The following ADAMTSL3 variants were observed in gnomAD, a reference collection of about 807,000 sequenced individuals.
The protein encoded by ADAMTSL3 is ADAMTS like 3, also known as ADAMTS-like protein 3.
In ADAMTSL3, 128 loss-of-function variants were observed where a neutral mutation model predicts 201.7. The observed-to-expected ratio is 0.63, with a 90% CI of 0.55 to 0.73. The LOEUF (loss-of-function observed/expected upper bound fraction) is 0.73, where lower values mean the gene tolerates loss of function less well. ADAMTSL3 is among the 30% of genes least tolerant of loss of function. ADAMTSL3 has a pLI of 0.00. For synonymous variants in ADAMTSL3, 738 were observed against 748.4 expected (o/e 0.99, Z 0.23); for missense variants, 1,990 against 2,119.6 (o/e 0.94, Z 1.20).
intron 2 of ADAMTSL3, among the ~76,000 whole-genome samples, chr15:83,676,246 C>T (rs2061403486): frequency 6.6e-6 from 1 of 151,922 alleles, no homozygotes; most frequent in Non-Finnish European, 1.5e-5. Flanking sequence ...ATTTCTCTCT[C>T]TGTAACTGAG....
intron 6 of ADAMTSL3, among the ~76,000 whole-genome samples, chr15:83,823,879 CCTTCTTCTTCTTCCTCTTCTTCTT>C (rs1443623426): frequency 0.015 from 2,169 of 141,524 alleles, 141 homozygotes; most frequent in Admixed American, 0.038. Context: ...GACTCCATTT[CCTTCTTCTTCTTCCTCTTCTTCTT>C]CTTCTTCTTC....
intron 26 of ADAMTSL3, among the ~76,000 whole-genome samples, chr15:84,024,101 A>G (rs1018283789): frequency 2.0e-5 from 3 of 152,108 alleles, no homozygotes; most frequent in African/African-American, 7.2e-5. Context: ...TAAAAATACA[A>G]AAAAATCAGC....
intron 22 of ADAMTSL3, among the ~76,000 whole-genome samples, 196 bp downstream of exon 22, chr15:83,989,014 TG>T (rs529958143): frequency 2.6e-4 from 40 of 151,734 alleles, no homozygotes; most frequent in East Asian, 7.8e-4. Flanking sequence ...CCCGAGTAGC[TG>T]GGGACTACAG....
At chr15:84,033,501 A>G (rs1334613618) in intron 28 of ADAMTSL3, among the ~76,000 whole-genome samples, 1 of 152,116 alleles carries the variant, frequency 6.6e-6, no homozygotes, top group Non-Finnish European at 1.5e-5. Context: ...CTCTACTAAA[A>G]ATACAAAATT....
At chr15:83,683,439 G>A (rs1056626226) in intron 2 of ADAMTSL3, among the ~76,000 whole-genome samples, 2 of 152,074 alleles carry the variant, frequency 1.3e-5, no homozygotes, top group African/African-American at 4.8e-5. Flanking sequence ...CCCCGTTTTT[G>A]TATCCCATCA....
intron 2 of ADAMTSL3, among the ~76,000 whole-genome samples, chr15:83,673,519 C>T (rs1283536907): frequency 6.6e-6 from 1 of 152,118 alleles, no homozygotes; most frequent in Non-Finnish European, 1.5e-5. Context: ...CTCTCATGCC[C>T]TTCCCAGGAC....
chr15:83,707,872 G>A (rs917467127), intron 3 of ADAMTSL3, among the ~76,000 whole-genome samples: 8 of 152,166 alleles, frequency 5.3e-5, no homozygotes, highest in African/African-American at 1.9e-4. Flanking sequence ...ATACTGGGTG[G>A]CATGCAGCAT....
intron 3 of ADAMTSL3, among the ~76,000 whole-genome samples, chr15:83,749,899 G>A (rs2062610796): frequency 6.6e-6 from 1 of 152,170 alleles, no homozygotes; most frequent in Non-Finnish European, 1.5e-5. Context: ...TTTGCCATCT[G>A]TAAAAATGAT....
At chr15:83,890,307 G>A (rs2141885883) in intron 11 of ADAMTSL3, 60 bp downstream of exon 11, 1 of 1,585,230 alleles carries the variant, frequency 6.3e-7, no homozygotes, top group Non-Finnish European at 8.6e-7. Flanking sequence ...CTTCAACTGA[G>A]ACTGATCAAT....
intron 19 of ADAMTSL3, chr15:83,962,694 A>T (rs1215146731): frequency 1.3e-5 from 2 of 152,192 alleles, no homozygotes; most frequent in African/African-American, 4.8e-5. Context: ...CTTGGTAATG[A>T]GTATCATAAA....
intron 23 of ADAMTSL3, among the ~76,000 whole-genome samples, chr15:84,010,246 C>T (rs982837799): frequency 5.3e-5 from 8 of 152,196 alleles, no homozygotes; most frequent in African/African-American, 1.9e-4. Context: ...ATGATTTGCA[C>T]TTTTGCCCTC....
chr15:83,862,065 A>G (rs1305095081), intron 8 of ADAMTSL3: 2 of 152,214 alleles, frequency 1.3e-5, no homozygotes, highest in Non-Finnish European at 2.9e-5. Flanking sequence ...AGAAGTTTAG[A>G]GAAAAAAAGA....
At chr15:83,705,164 A>G (rs558834662) in intron 3 of ADAMTSL3, among the ~76,000 whole-genome samples, 1 of 152,300 alleles carries the variant, frequency 6.6e-6, no homozygotes, top group African/African-American at 2.4e-5. Flanking sequence ...TTGGTGAAAC[A>G]GAGAGTTTCA....
chr15:83,867,417 C>A (rs2065000528), intron 8 of ADAMTSL3, among the ~76,000 whole-genome samples: 1 of 152,178 alleles, frequency 6.6e-6, no homozygotes, highest in Non-Finnish European at 1.5e-5. Flanking sequence ...ATAAGCAGAT[C>A]CCTGCAAAAC....
chr15:83,983,337 T>G lies in ADAMTSL3; in HGVS notation c.3709T>G (p.Ser1237Ala), dbSNP rs2067423082. Residue 1237 changes from serine to alanine, a missense_variant, in exon 21 of 30, where the codon TCA becomes GCA. Transcript: ENST00000286744. ...CAAGGATGGAACCTTGTTACAGCCCTCAGTAAAGTAAGTAAAATAAAAATG... is the reference window on the plus strand; with the variant it reads ...CAAGGATGGAACCTTGTTACAGCCCGCAGTAAAGTAAGTAAAATAAAAATG... Reference protein sequence around the residue: ...WTKDGTLLQPSVKIILDGTGK... With the variant: ...WTKDGTLLQPAVKIILDGTGK... 1 of 1,492,676 alleles carries G rather than the reference T, an allele frequency of 6.7e-7. No individual in the cohort carries two copies. Among genetic ancestry groups the G allele is most frequent in the Non-Finnish European group, 8.9e-7 (1 of 1,120,856 alleles). The allele number at this position is 1,492,676 out of a possible 1,614,324, so 92.5% of individuals were successfully genotyped here. A position where few individuals can be genotyped will look rare whatever the true frequency, so the allele number is the denominator to read the frequency against.
At chr15:83,680,344 G>A (rs930279772) in intron 2 of ADAMTSL3, among the ~76,000 whole-genome samples, 4 of 151,962 alleles carry the variant, frequency 2.6e-5, no homozygotes, top group African/African-American at 9.7e-5. Flanking sequence ...GATGGTTTGT[G>A]TGATTATGTC....
chr15:83,953,557 G>C (rs1012935843), intron 19 of ADAMTSL3, among the ~76,000 whole-genome samples: 2 of 152,026 alleles, frequency 1.3e-5, no homozygotes, highest in African/African-American at 4.8e-5. Context: ...TTCTACTTAA[G>C]ATTAGTTTTG....
intron 4 of ADAMTSL3, among the ~76,000 whole-genome samples, chr15:83,780,408 TAA>T (rs758187158): frequency 1.6e-5 from 2 of 125,540 alleles, no homozygotes; most frequent in Admixed American, 8.0e-5. Context: ...GAAACTCCAT[TAA>T]AAAAAAAAAA....
At chr15:83,911,980 C>T (rs978056903) in intron 15 of ADAMTSL3, among the ~76,000 whole-genome samples, 1 of 152,186 alleles carries the variant, frequency 6.6e-6, no homozygotes, top group African/African-American at 2.4e-5. Context: ...ATTTCATAGT[C>T]TTTGGAAAAG....
Sources: allele counts gnomAD v4.1 joint callset (sites outside exome capture counted in the v4.1 genomes callset), GRCh38; gene constraint gnomAD v4.1.1; transcripts MANE v1.5; gene names NCBI Gene and HGNC (gene_info 2026-07-23, HGNC 2026-07-21).